Variants in SIPA1L3 observed in about 807,000 individuals in gnomAD.
SIPA1L3 encodes the protein signal induced proliferation associated 1 like 3.
Under a neutral mutation model 150.1 loss-of-function variants are expected in SIPA1L3, and 59 were observed. The observed-to-expected ratio is 0.39, with a 90% CI of 0.32 to 0.49. SIPA1L3 has a LOEUF of 0.49. Ranked by LOEUF, SIPA1L3 falls within the 20% of genes least tolerant of loss-of-function variation. The pLI, the probability that SIPA1L3 is intolerant of heterozygous loss-of-function variation, is 0.86. For missense variants in SIPA1L3, 2,211 were observed against 2,489.5 expected (o/e 0.89, Z 2.38); for synonymous variants, 1,070 against 1,077.6 (o/e 0.99, Z 0.14).
intron 9 of SIPA1L3, among the ~76,000 whole-genome samples, chr19:38,122,072 T>C (rs1460953715): frequency 2.0e-5 from 3 of 150,486 alleles, no homozygotes; most frequent in Non-Finnish European, 4.4e-5. Flanking sequence ...AATACAAAAA[T>C]TAGCCAGGCG....
chr19:38,164,551 G>A lies in SIPA1L3; in HGVS notation c.3853G>A (p.Asp1285Asn), dbSNP rs933928511. Residue 1285 changes from aspartate (D) to asparagine (N), a missense_variant, in exon 15 of 22, where the codon GAC (aspartate) becomes AAC (asparagine). Transcript: ENST00000222345. This position sits in a 1 kb window ranked among gnomAD's most constrained non-coding sequence, Gnocchi z 4.1. ...CAACGCATCCAGCAGCCACAGCGAC[G>A]ACCGCTGGTTCGACCCCCTGGACCC... is the stretch of plus-strand genomic sequence containing the variant. The part of the protein sequence containing the change: ...SSNASSSHSD[D>N]RWFDPLDPLE... 1.4e-5 allele frequency: 22 copies of A among 1,613,846 alleles called. No individual in the cohort carries two copies. The highest frequency in any genetic ancestry group is 8.0e-5 in the African/African-American group (6 of 74,882).
chr19:38,001,182 C>A (rs1397705926), intron 1 of SIPA1L3, among the ~76,000 whole-genome samples: 1 of 151,682 alleles, frequency 6.6e-6, no homozygotes, highest in Non-Finnish European at 1.5e-5. Context: ...GAATAAAGCT[C>A]TCTGCTTAAT....
chr19:38,084,617 T>G (rs1227565002), intron 3 of SIPA1L3, among the ~76,000 whole-genome samples: 1 of 147,434 alleles, frequency 6.8e-6, no homozygotes, highest in African/African-American at 2.5e-5. Context: ...GGTTTTTTTT[T>G]GTTGTTTTTT....
At chr19:38,013,698 G>GA (rs1225796859) in intron 1 of SIPA1L3, among the ~76,000 whole-genome samples, 1 of 152,088 alleles carries the variant, frequency 6.6e-6, no homozygotes, top group Non-Finnish European at 1.5e-5. Context: ...CCATGCAGAA[G>GA]AAAAAAACAA....
At chr19:37,932,688 T>G (rs1271163672) in intron 1 of SIPA1L3, 1 of 152,152 alleles carries the variant, frequency 6.6e-6, no homozygotes, top group East Asian at 1.9e-4. Context: ...CGGGGAGTCT[T>G]TCAGGTGAGC....
chr19:37,919,891 G>T (rs1211984245), intron 1 of SIPA1L3, among the ~76,000 whole-genome samples: 1 of 151,490 alleles, frequency 6.6e-6, no homozygotes, highest in Non-Finnish European at 1.5e-5. Context: ...TGTATTTTTA[G>T]TAGAGATGGG....
chr19:37,939,325 C>T (rs2046630348), intron 1 of SIPA1L3, among the ~76,000 whole-genome samples: 1 of 147,156 alleles, frequency 6.8e-6, no homozygotes, highest in Non-Finnish European at 1.5e-5. Context: ...TGCTTGAATC[C>T]AGGAGGCGGA....
chr19:38,202,964 G>T (rs905664374), intron 20 of SIPA1L3, among the ~76,000 whole-genome samples: 2 of 152,210 alleles, frequency 1.3e-5, no homozygotes, highest in Non-Finnish European at 2.9e-5. Context: ...GAGGCAGAGA[G>T]AATGTAAATG....
chr19:37,987,588 C>T (rs960978289), intron 1 of SIPA1L3, among the ~76,000 whole-genome samples: 1 of 152,352 alleles, frequency 6.6e-6, no homozygotes, highest in South Asian at 2.1e-4. Flanking sequence ...CTCCAAATGT[C>T]CCCTGGAATA....
intron 1 of SIPA1L3, among the ~76,000 whole-genome samples, chr19:37,976,708 C>T (rs181987621): frequency 5.9e-5 from 9 of 152,226 alleles, no homozygotes; most frequent in African/African-American, 1.9e-4. Context: ...GGAATGAGAA[C>T]CGGAGGGTTG....
At chr19:38,133,024 G>A (rs986286793) in intron 10 of SIPA1L3, among the ~76,000 whole-genome samples, 6 of 152,130 alleles carry the variant, frequency 3.9e-5, no homozygotes, top group Non-Finnish European at 8.8e-5. Context: ...TTTAGCTGGC[G>A]GCCTCCCCAT....
At chr19:38,003,822 A>T (rs2145665216) in intron 1 of SIPA1L3, among the ~76,000 whole-genome samples, 1 of 152,250 alleles carries the variant, frequency 6.6e-6, no homozygotes, top group South Asian at 2.1e-4. Flanking sequence ...TGGTAGAGAA[A>T]TGAGCTCATG....
At chr19:37,927,727 G>T (rs1357775111) in intron 1 of SIPA1L3, among the ~76,000 whole-genome samples, 1 of 139,520 alleles carries the variant, frequency 7.2e-6, no homozygotes, top group Non-Finnish European at 1.6e-5. Flanking sequence ...AAGAACATGG[G>T]GTGTGTGTGT....
At chr19:37,944,502 C>T (rs752075986) in intron 1 of SIPA1L3, among the ~76,000 whole-genome samples, 14 of 152,146 alleles carry the variant, frequency 9.2e-5, no homozygotes, top group Non-Finnish European at 1.8e-4. Flanking sequence ...GCCTTGATTT[C>T]TCCATCTTTA....
intron 1 of SIPA1L3, among the ~76,000 whole-genome samples, chr19:37,947,221 G>A (rs1368256060): frequency 6.6e-6 from 1 of 150,686 alleles, no homozygotes; most frequent in African/African-American, 2.4e-5. Flanking sequence ...CAGGCATGGC[G>A]GCCCACGCCT....
intron 1 of SIPA1L3, among the ~76,000 whole-genome samples, chr19:38,014,413 A>G (rs1443768133): frequency 6.6e-6 from 1 of 152,148 alleles, no homozygotes; most frequent in African/African-American, 2.4e-5. Flanking sequence ...TGTTGAAGTC[A>G]GGACATCAGA....
At chr19:38,162,583 G>A (rs778167330) in intron 14 of SIPA1L3, among the ~76,000 whole-genome samples, 3 of 152,168 alleles carry the variant, frequency 2.0e-5, no homozygotes, top group Admixed American at 6.5e-5. Flanking sequence ...TTACCTCCTC[G>A]AGCCGCAGTT....
At position 37,979,946 on chromosome 19, in the gene SIPA1L3, G is replaced by C. The variant is rs1047194605; in HGVS notation, c.-378-49143G>C. Among the ~76,000 whole-genome samples the C allele has an allele frequency of 4.0e-4, 61 of 152,326 alleles. No homozygotes were observed. The East Asian group carries it at 5.2e-3, about 13-fold the overall frequency. On this transcript the variant is annotated intron_variant, in intron 1 of 21. Coordinates refer to ENST00000222345, the MANE Select transcript of SIPA1L3 (RefSeq NM_015073.3). ...TCACTCTGAGCATTTCTTGGGCCCT[G>C]GCTGCGTGGCAGGCCGCTGGCTGGG...
intron 2 of SIPA1L3, among the ~76,000 whole-genome samples, chr19:38,072,377 C>T (rs987637017): frequency 6.6e-6 from 1 of 152,180 alleles, no homozygotes; most frequent in Non-Finnish European, 1.5e-5. Flanking sequence ...TGTATGTTTT[C>T]ATTGTTGTTT....
Sources: gnomAD v4.1 joint callset for allele counts (sites outside exome capture counted in the v4.1 genomes callset) on GRCh38, gnomAD v4.1.1 for gene constraint, Gnocchi (gnomAD v3.1) non-coding constraint, MANE v1.5 for transcripts, NCBI Gene and HGNC (gene_info 2026-07-23, HGNC 2026-07-21) for gene names.